AGTPBP1: variants seen among roughly 807,000 people sequenced by gnomAD.
AGTPBP1 encodes ATP/GTP binding carboxypeptidase 1, also known as cytosolic carboxypeptidase 1.
Under a neutral mutation model 143.9 loss-of-function variants are expected in AGTPBP1, and 70 were observed. The observed-to-expected ratio is 0.49, with a 90% confidence interval of 0.40 to 0.59. The LOEUF (loss-of-function observed/expected upper bound fraction) is 0.59. Among genes scored for constraint, AGTPBP1 ranks in the 20% least tolerant of loss-of-function variants. The pLI, the probability that AGTPBP1 is intolerant of heterozygous loss-of-function variation, is 0.00. For synonymous variants in AGTPBP1, 463 were observed against 500.2 expected (o/e 0.93, Z 0.99); for missense variants, 1,229 against 1,464.5 (o/e 0.84, Z 2.62).
rs10121594 is a variant in AGTPBP1 at position 85,737,672 on chromosome 9, G to A, written c.-34+4103C>T. 5.4e-3 allele frequency among the ~76,000 whole-genome samples: 828 copies of A among 152,280 alleles called. 5 individuals are homozygous for A. The highest frequency in any genetic ancestry group is 0.019 in the African/African-American group (776 of 41,560). On this transcript the variant is annotated intron_variant, in intron 1 of 25. Transcript: ENST00000357081. Reference sequence around the variant, plus strand: ...TATTTACAAATGACCAAGGAATGATGTTACAATCTCAGGAATGAGTATAAG... The same window carrying A: ...TATTTACAAATGACCAAGGAATGATATTACAATCTCAGGAATGAGTATAAG...
upstream of AGTPBP1, among the ~76,000 whole-genome samples, chr9:85,745,996 C>T (rs2134915396): frequency 6.6e-6 from 1 of 152,284 alleles, no homozygotes; most frequent in Non-Finnish European, 1.5e-5. Flanking sequence ...AGGATGGCAG[C>T]TCCACTTCCC....
intron 1 of AGTPBP1, among the ~76,000 whole-genome samples, chr9:85,738,193 C>T (rs898287301): frequency 6.6e-6 from 1 of 152,014 alleles, no homozygotes. Context: ...GATAAATTCA[C>T]AAAAGCTTTT....
chr9:85,707,307 C>T (rs1237097123), intron 2 of AGTPBP1, among the ~76,000 whole-genome samples: 6 of 152,024 alleles, frequency 3.9e-5, no homozygotes, highest in African/African-American at 1.2e-4. Context: ...AAACCAATGA[C>T]CTTAGCTTTC....
intron 25 of AGTPBP1, among the ~76,000 whole-genome samples, chr9:85,573,250 C>T (rs563932780): frequency 4.5e-4 from 68 of 152,118 alleles, no homozygotes; most frequent in African/African-American, 1.5e-3. Flanking sequence ...ATTGCAGGCA[C>T]GCGCCACCAC....
At chr9:85,703,414 TA>T (rs1459489017) in intron 2 of AGTPBP1, among the ~76,000 whole-genome samples, 1 of 152,180 alleles carries the variant, frequency 6.6e-6, no homozygotes, top group Non-Finnish European at 1.5e-5. Context: ...AAACAGATGA[TA>T]AAAGCCTGGT....
chr9:85,714,959 AT>A (rs1352938467), intron 1 of AGTPBP1, among the ~76,000 whole-genome samples: 1 of 152,174 alleles, frequency 6.6e-6, no homozygotes, highest in African/African-American at 2.4e-5. Context: ...CTTATCAAAA[AT>A]AAAGGGCCGG....
intron 25 of AGTPBP1, among the ~76,000 whole-genome samples, chr9:85,564,246 G>A (rs1274224571): frequency 2.0e-5 from 3 of 152,244 alleles, no homozygotes; most frequent in Non-Finnish European, 4.4e-5. Flanking sequence ...GAAGAGCAGA[G>A]AATGCAGCTA....
At chr9:85,616,712 G>A (rs999427188) in intron 17 of AGTPBP1, among the ~76,000 whole-genome samples, 9 of 151,630 alleles carry the variant, frequency 5.9e-5, no homozygotes, top group African/African-American at 2.2e-4. Flanking sequence ...AAATCACTAG[G>A]TTTCTTTACT....
At chr9:85,590,629 TAG>T (rs1299188165) in intron 19 of AGTPBP1, among the ~76,000 whole-genome samples, 1 of 152,012 alleles carries the variant, frequency 6.6e-6, no homozygotes, top group Non-Finnish European at 1.5e-5. Context: ...CTAGGGAAAA[TAG>T]AGAGTGCTGT....
the AGTPBP1 span, among the ~76,000 whole-genome samples, chr9:85,773,604 C>G: frequency 6.6e-6 from 1 of 151,902 alleles, no homozygotes; most frequent in Admixed American, 6.5e-5. Flanking sequence ...TCCCAAACTG[C>G]TAGGACTACA....
chr9:85,627,324 C>A (rs1477419406), intron 14 of AGTPBP1, among the ~76,000 whole-genome samples: 1 of 152,134 alleles, frequency 6.6e-6, no homozygotes, highest in Non-Finnish European at 1.5e-5. Flanking sequence ...TCCTGCCCTG[C>A]CCTGACAAGA....
At chr9:85,580,877 T>C (rs564748828) in intron 23 of AGTPBP1, among the ~76,000 whole-genome samples, 2 of 152,250 alleles carry the variant, frequency 1.3e-5, no homozygotes, top group South Asian at 2.1e-4. Context: ...TCAATAAATA[T>C]TGTCATGGGA....
chr9:85,771,225 T>G, the AGTPBP1 span, among the ~76,000 whole-genome samples: 1 of 152,136 alleles, frequency 6.6e-6, no homozygotes, highest in Non-Finnish European at 1.5e-5. Context: ...TAAGGCCAGG[T>G]GCAGTGGCTC....
At chr9:85,632,514 A>T in intron 14 of AGTPBP1, 148 bp downstream of exon 14, 6 of 698,702 alleles carry the variant, frequency 8.6e-6, no homozygotes, top group Non-Finnish European at 1.4e-5. Flanking sequence ...TTTCAAAACA[A>T]GGCAAAATTT....
the AGTPBP1 span, among the ~76,000 whole-genome samples, chr9:85,755,494 G>T: frequency 6.6e-6 from 1 of 151,832 alleles, no homozygotes. Context: ...AATGCAAATT[G>T]GCTTTCCTTC....
rs1034596573 is a variant in AGTPBP1 at position 85,644,434 on chromosome 9, A to G, written c.1186-1491T>C. Among the ~76,000 whole-genome samples, 3 of 117,418 alleles carry G rather than the reference A, an allele frequency of 2.6e-5. No homozygotes were observed. In the South Asian group the frequency reaches 7.4e-4, roughly 29 times the overall value. 77.0% of individuals were successfully genotyped at this position (117,418 alleles called of 152,430 possible). The stretch of plus-strand genomic sequence containing the variant: ...CTTACATAGTGGCTATTTGGAGAGG[A>G]AAAAAAAAAAAAAGGCTTTACCTGT... On this transcript the variant is annotated intron_variant, in intron 12 of 25. Transcript: ENST00000357081.
intron 1 of AGTPBP1, among the ~76,000 whole-genome samples, chr9:85,730,038 C>T (rs1269788425): frequency 1.3e-5 from 2 of 152,184 alleles, no homozygotes; most frequent in East Asian, 3.8e-4. Context: ...CTGACCTCAA[C>T]TGTTTCCAGA....
chr9:85,644,076 AC>A (rs1832661233), intron 12 of AGTPBP1, among the ~76,000 whole-genome samples: 1 of 152,086 alleles, frequency 6.6e-6, no homozygotes, highest in South Asian at 2.1e-4. Flanking sequence ...AAAGAAAAAA[AC>A]ATATTATGTA....
At chr9:85,598,346 C>T (rs1431374157) in intron 17 of AGTPBP1, among the ~76,000 whole-genome samples, 2 of 152,214 alleles carry the variant, frequency 1.3e-5, no homozygotes, top group Non-Finnish European at 2.9e-5. Flanking sequence ...TTTCTTTTCA[C>T]TGGACTCCCA....
Sources: gnomAD v4.1 joint callset for allele counts (sites outside exome capture counted in the v4.1 genomes callset) on GRCh38, gnomAD v4.1.1 for gene constraint, MANE v1.5 for transcripts, NCBI Gene and HGNC (gene_info 2026-07-23, HGNC 2026-07-21) for gene names.